Variants in KNL1 observed in about 807,000 individuals in gnomAD.
KNL1 encodes the protein outer kinetochore KNL1 complex subunit KNL1.
In KNL1, 66 loss-of-function variants were observed where a neutral mutation model predicts 201.3. That is an observed-to-expected ratio of 0.33 (90% CI 0.27 to 0.40). The LOEUF (loss-of-function observed/expected upper bound fraction) is 0.40, where lower values mean the gene tolerates loss of function less well. KNL1 is among the 10% of genes least tolerant of loss of function. The probability of loss-of-function intolerance (pLI) is 1.00; values close to 1 mark genes in which losing one functional copy is unlikely to be tolerated. For synonymous variants in KNL1, 895 were observed against 899.2 expected, an observed-to-expected ratio of 1.00 and a Z score of 0.08; for missense variants, 2,815 against 2,690.5, an observed-to-expected ratio of 1.05 and a Z score of -1.02.
intron 8 of KNL1, 138 bp downstream of exon 8, chr15:40,615,516 C>G (rs775910063): frequency 3.7e-6 from 1 of 269,446 alleles, no homozygotes; most frequent in Admixed American, 5.9e-5. Flanking sequence ...CGCCTGTAAT[C>G]CCAGTATTTT....
intron 1 of KNL1, among the ~76,000 whole-genome samples, chr15:40,597,934 G>A (rs970305367): frequency 3.3e-5 from 5 of 152,160 alleles, no homozygotes; most frequent in Admixed American, 6.5e-5. Flanking sequence ...CACTTTGGGA[G>A]GCCGAGGCGG....
At chr15:40,610,829 A>G in intron 6 of KNL1, 1 of 455,324 alleles carries the variant, frequency 2.2e-6, no homozygotes, top group Non-Finnish European at 4.4e-6. Flanking sequence ...TCTCAGCTGC[A>G]ACTTCTGCCT....
chr15:40,599,158 T>G (rs1891706135), intron 1 of KNL1, among the ~76,000 whole-genome samples: 1 of 151,286 alleles, frequency 6.6e-6, no homozygotes, highest in Non-Finnish European at 1.5e-5. Flanking sequence ...AAAAGAGTAT[T>G]TTTCAAAAAA....
intron 2 of KNL1, among the ~76,000 whole-genome samples, chr15:40,604,520 C>T (rs182011784): frequency 9.2e-5 from 14 of 152,264 alleles, no homozygotes; most frequent in African/African-American, 3.4e-4. Flanking sequence ...CTTTGGCCTA[C>T]ACATATTTTT....
rs140515225 is a variant in KNL1 at position 40,657,596 on chromosome 15, G to T, written c.6713+123G>T. On this transcript the variant is annotated intron_variant, in intron 24 of 25. Transcript: ENST00000399668. ...GCGGGTGTTATTCTTTCTGAGGGCT[G>T]TTAGAATCTGTCCATGCCTTCTCCC... The T allele has an allele frequency of 1.9e-3, 1,130 of 609,476 alleles. 16 individuals carry two copies. In the East Asian group the frequency reaches 0.024, roughly 13 times the overall value. 37.8% of individuals were successfully genotyped at this position (609,476 alleles called of 1,614,324 possible).
At chr15:40,639,534 G>GAGA (rs1893157781) in intron 13 of KNL1, among the ~76,000 whole-genome samples, 1 of 148,046 alleles carries the variant, frequency 6.8e-6, no homozygotes, top group Non-Finnish European at 1.5e-5. Context: ...GCAATGAGCT[G>GAGA]AGATCACGCC....
chr15:40,647,176 G>T, intron 17 of KNL1, 102 bp downstream of exon 17: 1 of 671,076 alleles, frequency 1.5e-6, no homozygotes, highest in Admixed American at 2.5e-5. Flanking sequence ...ACTTGTATTA[G>T]CAACTTGAGA....
At chr15:40,597,092 T>G (rs1281005651) in intron 1 of KNL1, among the ~76,000 whole-genome samples, 1 of 151,812 alleles carries the variant, frequency 6.6e-6, no homozygotes, top group Non-Finnish European at 1.5e-5. Context: ...ACTAATGTAA[T>G]GCAAATGTAC....
chr15:40,609,021 C>T (rs1468769415), intron 5 of KNL1, 113 bp downstream of exon 5: 4 of 673,990 alleles, frequency 5.9e-6, no homozygotes, highest in Admixed American at 5.1e-5. Flanking sequence ...ATTAGTTATT[C>T]TTCAAAGGGT....
chr15:40,637,368 G>GT (rs71426393), intron 13 of KNL1, among the ~76,000 whole-genome samples: 37,214 of 138,248 alleles, frequency 0.27, 5,477 homozygotes, highest in Middle Eastern at 0.36. Context: ...GATTAACAGC[G>GT]TTTTTTTTTT....
At chr15:40,603,003 T>G (rs1891857692) in intron 2 of KNL1, 37 bp downstream of exon 2, 10 of 1,353,912 alleles carry the variant, frequency 7.4e-6, no homozygotes, top group Admixed American at 1.8e-5. Context: ...TATTATATTC[T>G]ATCAGAGAAA....
rs766553736 is a variant in KNL1 at position 40,624,120 on chromosome 15, G to A, written c.3856G>A (p.Asp1286Asn). 3 of 1,613,808 alleles carry A rather than the reference G, an allele frequency of 1.9e-6. No homozygotes were observed. Among genetic ancestry groups the A allele is most frequent in the East Asian group, 2.2e-5 (1 of 44,884 alleles). Residue 1286 changes from aspartate to asparagine, a missense_variant, in exon 10 of 26, where the codon GAC becomes AAC. This residue lies in a region of KNL1 where 2,464 missense variants were observed against 2,291.7 expected (regional missense o/e 1.08). Transcript: ENST00000399668. ...AAATAATAGAGATAGAAGAAATGTG[G>A]ACTTTACAAGTAGTCATGCAACTGC... Reference protein sequence around the residue: ...QLNNRDRRNVDFTSSHATAVC... With the variant: ...QLNNRDRRNVNFTSSHATAVC...
intron 8 of KNL1, 105 bp downstream of exon 8, chr15:40,615,483 A>C: frequency 4.2e-6 from 1 of 237,206 alleles, no homozygotes; most frequent in East Asian, 1.7e-4. Flanking sequence ...AAAAAAGCAA[A>C]CAGAGGCCAG....
chr15:40,650,289 T>G lies in KNL1; in HGVS notation c.6095-12T>G, dbSNP rs1375178666. 6.5e-7 allele frequency: 1 copy of G among 1,533,824 alleles called. No homozygotes were observed. The highest frequency in any genetic ancestry group is 1.7e-5 in the Admixed American group (1 of 58,854). ...TTCACTGAATTATTCTAACAAATAC[T>G]GTCTACTTTAGAAACTAAGAATTTG... On this transcript the variant is annotated splice_polypyrimidine_tract_variant and intron_variant, in intron 17 of 25. Transcript: ENST00000399668.
chr15:40,598,043 G>A (rs1891670229), intron 1 of KNL1, among the ~76,000 whole-genome samples: 1 of 151,894 alleles, frequency 6.6e-6, no homozygotes, highest in African/African-American at 2.4e-5. Flanking sequence ...GGTGGCAGGC[G>A]CCTGGAATCC....
chr15:40,660,326 C>T (rs1009400062), intron 25 of KNL1, among the ~76,000 whole-genome samples: 1 of 152,116 alleles, frequency 6.6e-6, no homozygotes, highest in Non-Finnish European at 1.5e-5. Flanking sequence ...GGAAAAAACT[C>T]ACCATTAGCT....
Position 40,659,471 on chromosome 15 carries a change from G to C in KNL1, c.6836+10G>C, listed in dbSNP as rs774623411. ...ACGTTGGGAACACTAGGTGAGTAAAGGGCCAACAGGGTAAGACTCTGGGCT... is the reference window on the plus strand; with the variant it reads ...ACGTTGGGAACACTAGGTGAGTAAACGGCCAACAGGGTAAGACTCTGGGCT... On this transcript the variant is annotated intron_variant, in intron 25 of 25. Coordinates refer to ENST00000399668, the MANE Select transcript of KNL1 (RefSeq NM_144508.5). 7.5e-6 allele frequency: 12 copies of C among 1,610,616 alleles called. No homozygotes were observed. Among genetic ancestry groups the C allele is most frequent in the Non-Finnish European group, 9.3e-6 (11 of 1,178,432 alleles).
intron 2 of KNL1, among the ~76,000 whole-genome samples, chr15:40,604,681 G>A (rs970230166): frequency 6.6e-6 from 1 of 152,152 alleles, no homozygotes; most frequent in East Asian, 1.9e-4. Context: ...CTGACCTTTA[G>A]GTGAGAGAGG....
chr15:40,642,266 G>A (rs1412968126), intron 14 of KNL1, among the ~76,000 whole-genome samples: 1 of 152,012 alleles, frequency 6.6e-6, no homozygotes, highest in Non-Finnish European at 1.5e-5. Flanking sequence ...GGGCGCGGTA[G>A]CAGGCACTTG....
Sources: allele counts gnomAD v4.1 joint callset (sites outside exome capture counted in the v4.1 genomes callset), GRCh38; gene constraint gnomAD v4.1.1; regional missense constraint gnomAD v4.1.1; transcripts MANE v1.5; gene names NCBI Gene and HGNC (gene_info 2026-07-23, HGNC 2026-07-21).